DOCK7: variants seen among roughly 807,000 people sequenced by gnomAD.
DOCK7 encodes dedicator of cytokinesis 7.
A neutral mutation model predicts 271.0 loss-of-function variants in DOCK7; 138 were observed. The ratio of observed to expected loss-of-function variants is 0.51; its 90% confidence interval spans 0.44 to 0.59. DOCK7 has a LOEUF of 0.59. Ranked by LOEUF, DOCK7 falls within the 20% of genes least tolerant of loss-of-function variation. The pLI is 0.00. For missense variants in DOCK7, 2,066 were observed against 2,592.4 expected (o/e 0.80, Z 4.41); for synonymous variants, 823 against 876.1 (o/e 0.94, Z 1.07).
At chr1:62,557,904 T>G (rs1646198842) in intron 20 of DOCK7, among the ~76,000 whole-genome samples, 1 of 152,066 alleles carries the variant, frequency 6.6e-6, no homozygotes, top group Admixed American at 6.6e-5. Flanking sequence ...CATCATTTTT[T>G]GTATGAAATT....
rs774732062 is a variant in DOCK7, at chr1:62,578,938, C to A, written c.1900G>T (p.Val634Phe). Residue 634 changes from valine to phenylalanine, a missense_variant, in exon 17 of 50, where the codon GTT becomes TTT. By Grantham distance (50) the Val-to-Phe change is conservative. Around this residue, in one of 2 missense-constraint regions of DOCK7, gnomAD observed 1,414 missense variants for 1,670.4 expected, o/e 0.85. Transcript: ENST00000635253. ...TCAGTTAAAGTAGCAGGAAGCTTAA[C>A]CTTGATTTCTTCATGAAAATCAGGA... Reference protein sequence around the residue: ...RSPDFHEEIKVKLPATLTDHH... With the variant: ...RSPDFHEEIKFKLPATLTDHH... 1.3e-6 allele frequency: 2 copies of A among 1,587,884 alleles called. No individual in the cohort carries two copies. Among genetic ancestry groups the A allele is most frequent in the South Asian group, 2.3e-5 (2 of 85,338 alleles).
chr1:62,634,696 C>G (rs1300948576), intron 9 of DOCK7, 77 bp downstream of exon 9: 2 of 1,421,328 alleles, frequency 1.4e-6, no homozygotes, highest in African/African-American at 2.9e-5. Flanking sequence ...AATCTTTGCC[C>G]TTGAAAAGTT....
At chr1:62,641,707 C>A (rs572901665) in intron 7 of DOCK7, 33 of 326,288 alleles carry the variant, frequency 1.0e-4, no homozygotes, top group Non-Finnish European at 1.9e-4. Context: ...TGCACCAGGG[C>A]CTTCCCCCTC....
intron 27 of DOCK7, 113 bp downstream of exon 27, chr1:62,539,427 TTTTTG>T (rs1645454200): frequency 4.9e-6 from 4 of 813,530 alleles, no homozygotes; most frequent in South Asian, 2.1e-5. Flanking sequence ...CTTTGGCTAC[TTTTTG>T]TTTTAACATC....
intron 1 of DOCK7, among the ~76,000 whole-genome samples, chr1:62,679,075 G>A (rs148352566): frequency 6.6e-6 from 1 of 151,990 alleles, no homozygotes; most frequent in Non-Finnish European, 1.5e-5. Context: ...AGGCGGCAGG[G>A]CAGATTAATG....
chr1:62,616,840 G>A (rs1325525213), intron 14 of DOCK7, among the ~76,000 whole-genome samples: 1 of 151,692 alleles, frequency 6.6e-6, no homozygotes, highest in African/African-American at 2.4e-5. Flanking sequence ...TTAGCAATCA[G>A]TATAATATTG....
chr1:62,610,147 C>A (rs1050889032), intron 14 of DOCK7, among the ~76,000 whole-genome samples: 1 of 152,170 alleles, frequency 6.6e-6, no homozygotes, highest in Non-Finnish European at 1.5e-5. Flanking sequence ...CCGCGCCCAG[C>A]CGACTCAGTT....
intron 27 of DOCK7, among the ~76,000 whole-genome samples, chr1:62,538,345 T>C (rs1409329210): frequency 1.3e-5 from 2 of 152,240 alleles, no homozygotes; most frequent in Admixed American, 1.3e-4. Context: ...GGAAAACGTA[T>C]ATCACCAAAA....
intron 2 of DOCK7, among the ~76,000 whole-genome samples, chr1:62,660,471 G>T (rs777177155): frequency 6.6e-6 from 1 of 152,150 alleles, no homozygotes; most frequent in South Asian, 2.1e-4. Flanking sequence ...TTTTAAAATG[G>T]TTAATAACAA....
intron 22 of DOCK7, 94 bp downstream of exon 22, chr1:62,552,638 C>A: frequency 8.1e-7 from 1 of 1,229,132 alleles, no homozygotes; most frequent in Non-Finnish European, 1.1e-6. Context: ...AACTTACATA[C>A]ATCTCAAAAT....
intron 4 of DOCK7, among the ~76,000 whole-genome samples, chr1:62,650,232 C>G (rs1323356112): frequency 2.0e-5 from 3 of 152,118 alleles, no homozygotes; most frequent in African/African-American, 7.2e-5. Context: ...TGTCTATTGA[C>G]AATCTCATCT....
rs147371901 is a variant in DOCK7 at position 62,524,931 on chromosome 1, CTATATA to C, written c.3936+3214_3936+3219del. On this transcript the variant is annotated intron_variant, in intron 31 of 49. Transcript: ENST00000635253. ...AACAAAACAAAACCAACCAACCAAA[CTATATA>C]TATATATATATATATATATTACTAT... Among the ~76,000 whole-genome samples the C allele has an allele frequency of 9.4e-3, 968 of 103,286 alleles. 99 individuals are homozygous for C. The highest frequency in any genetic ancestry group is 0.036 in the African/African-American group (815 of 22,622). 67.8% of individuals were successfully genotyped at this position (103,286 alleles called of 152,430 possible). A position where few individuals can be genotyped will look rare whatever the true frequency, so the allele number is the denominator to read the frequency against.
chr1:62,521,941 A>C (rs1644865345), intron 31 of DOCK7, among the ~76,000 whole-genome samples: 2 of 152,164 alleles, frequency 1.3e-5, no homozygotes, highest in South Asian at 2.1e-4. Context: ...ATGCCACTGC[A>C]CTCCAGCCTG....
intron 21 of DOCK7, among the ~76,000 whole-genome samples, chr1:62,554,412 C>T (rs902238553): frequency 5.9e-5 from 8 of 134,586 alleles, no homozygotes; most frequent in Non-Finnish European, 1.2e-4. Flanking sequence ...GCGGAGCTTG[C>T]AGTGAGCCAA....
chr1:62,678,528 T>A (rs1660767196), intron 1 of DOCK7, among the ~76,000 whole-genome samples: 1 of 152,146 alleles, frequency 6.6e-6, no homozygotes, highest in African/African-American at 2.4e-5. Flanking sequence ...ACACTATGGA[T>A]CATGGATTGG....
chr1:62,633,423 T>C (rs1413583604), intron 10 of DOCK7, 75 bp downstream of exon 10: 2 of 1,112,140 alleles, frequency 1.8e-6, no homozygotes, highest in East Asian at 2.4e-5. Context: ...GCATATAAAA[T>C]GCTATTGGGA....
intron 39 of DOCK7, 49 bp downstream of exon 39, chr1:62,495,532 T>C (rs754491166): frequency 8.2e-7 from 1 of 1,220,918 alleles, no homozygotes; most frequent in Admixed American, 2.8e-5. Flanking sequence ...TTACTGTATG[T>C]CTTACTAAGT....
chr1:62,462,768 T>C (rs1645566776), intron 48 of DOCK7, among the ~76,000 whole-genome samples: 2 of 151,914 alleles, frequency 1.3e-5, no homozygotes, highest in African/African-American at 4.8e-5. Context: ...CAATTGCAAA[T>C]GGATTTTTTT....
chr1:62,543,112 T>C (rs993582427), intron 24 of DOCK7, among the ~76,000 whole-genome samples: 8 of 151,702 alleles, frequency 5.3e-5, no homozygotes, highest in Admixed American at 2.0e-4. Flanking sequence ...AATTTAAACT[T>C]TGCTATGAGC....
Sources: gnomAD v4.1 joint callset for allele counts (sites outside exome capture counted in the v4.1 genomes callset) on GRCh38, gnomAD v4.1.1 for gene constraint, gnomAD v4.1.1 regional missense constraint, MANE v1.5 for transcripts, NCBI Gene and HGNC (gene_info 2026-07-23, HGNC 2026-07-21) for gene names.